The following CEP290 variants were observed in gnomAD, a reference collection of about 807,000 sequenced individuals.
CEP290 encodes centrosomal protein of 290 kDa.
CEP290 carries 317 observed loss-of-function variants against 344.9 expected under a neutral mutation model. The ratio of observed to expected loss-of-function variants is 0.92; its 90% CI spans 0.84 to 1.01. CEP290 has a LOEUF of 1.01. CEP290 is among the 50% of genes least tolerant of loss of function. The probability of loss-of-function intolerance (pLI) is 0.00; values close to 1 mark genes in which losing one functional copy is unlikely to be tolerated. For missense variants in CEP290, 2,754 were observed against 2,761.4 expected (o/e 1.00, Z 0.06); for synonymous variants, 932 against 895.8 (o/e 1.04, Z -0.72).
rs1272645683 is a variant in CEP290 at position 88,084,474 on chromosome 12, A to G, written c.4704+112T>C. ...ATCACATGCAAGTAACAATTCTTAA[A>G]TAGAATCATTTGAAAGCAAGAAAAG... is the stretch of plus-strand genomic sequence containing the variant. On this transcript the variant is annotated intron_variant, in intron 35 of 53. Coordinates refer to ENST00000552810, the MANE Select transcript of CEP290 (RefSeq NM_025114.4). The G allele has an allele frequency of 3.0e-6, 3 of 999,984 alleles. No homozygotes were observed. The African/African-American group carries it at 4.9e-5, about 16-fold the overall frequency. The allele number at this position is 999,984 out of a possible 1,614,324, so 61.9% of individuals were successfully genotyped here. A position where few individuals can be genotyped will look rare whatever the true frequency, so the allele number is the denominator to read the frequency against.
At chr12:88,088,193 C>A (rs2036742951) in intron 31 of CEP290, among the ~76,000 whole-genome samples, 1 of 152,160 alleles carries the variant, frequency 6.6e-6, no homozygotes, top group African/African-American at 2.4e-5. Flanking sequence ...TATTCACTTT[C>A]ATTTGTTATA....
chr12:88,121,089 C>T lies in CEP290; in HGVS notation c.1267G>A (p.Ala423Thr). 1 of 1,613,364 alleles carries T rather than the reference C, an allele frequency of 6.2e-7. No individual in the cohort carries two copies. Among genetic ancestry groups the T allele is most frequent in the Non-Finnish European group, 8.5e-7 (1 of 1,179,582 alleles). The stretch of plus-strand genomic sequence containing the variant: ...TCAGCCAGTTCAGCTGTTCTCTCAG[C>T]CTCTTTAGTTTTCTCTTTTAAAATG... Reference protein sequence around the residue: ...LDILKEKTKEAERTAELAEAD... With the variant: ...LDILKEKTKETERTAELAEAD... The change falls in exon 14 of 54, where the codon GCT becomes ACT. Residue 423 changes from alanine to threonine, a missense_variant. By Grantham distance (58) the Ala-to-Thr change is moderately conservative. Transcript: ENST00000552810.
chr12:88,052,361 C>T (rs961782247), intron 52 of CEP290, among the ~76,000 whole-genome samples: 2 of 152,106 alleles, frequency 1.3e-5, no homozygotes, highest in African/African-American at 2.4e-5. Flanking sequence ...GTTCGATGTG[C>T]TTATACATGC....
chr12:88,130,492 G>T, intron 8 of CEP290, 53 bp downstream of exon 8: 1 of 1,590,264 alleles, frequency 6.3e-7, no homozygotes, highest in Non-Finnish European at 8.6e-7. Context: ...TCTAAATAGT[G>T]CTCTCACAAC....
At chr12:88,092,944 T>C (rs2037159073) in intron 28 of CEP290, 112 bp from the exon 29 acceptor site, 2 of 941,336 alleles carry the variant, frequency 2.1e-6, no homozygotes, top group African/African-American at 3.3e-5. Flanking sequence ...AGTTCACATA[T>C]TATATTAAGT....
chr12:88,078,771 T>C (rs1287123630), intron 39 of CEP290, among the ~76,000 whole-genome samples: 1 of 151,976 alleles, frequency 6.6e-6, no homozygotes, highest in Non-Finnish European at 1.5e-5. Context: ...TTCCTCTCAA[T>C]TTTGCTGTGA....
At chr12:88,079,335 TC>T (rs1193556410) in intron 38 of CEP290, 106 bp from the exon 39 acceptor site, 4 of 874,006 alleles carry the variant, frequency 4.6e-6, no homozygotes, top group African/African-American at 1.8e-5. Context: ...CTACTATTTT[TC>T]TAAAATATTA....
Position 88,089,083 on chromosome 12 carries a change from CTTTAAT to C in CEP290, c.3972_3977del (p.Leu1325_Lys1326del). On this transcript the variant is annotated inframe_deletion, in exon 31 of 54. Coordinates refer to ENST00000552810, the MANE Select transcript of CEP290 (RefSeq NM_025114.4). ...AAGTGCTTATTAACTCTTCCAGGCC[CTTTAAT>C]TTTAATTCCATCTCCAATGTTTTGT... 4 of 1,540,330 alleles carry C rather than the reference CTTTAAT, an allele frequency of 2.6e-6. No individual in the cohort carries two copies. The highest frequency in any genetic ancestry group is 1.3e-5 in the South Asian group (1 of 75,564).
intron 13 of CEP290, among the ~76,000 whole-genome samples, chr12:88,123,207 T>C (rs1410830996): frequency 6.6e-6 from 1 of 152,098 alleles, no homozygotes. Context: ...TTCATTAATG[T>C]TTCTTCTTTA....
intron 41 of CEP290, among the ~76,000 whole-genome samples, chr12:88,075,815 GT>G (rs1407985798): frequency 6.6e-6 from 1 of 152,030 alleles, no homozygotes; most frequent in African/African-American, 2.4e-5. Flanking sequence ...ATAGACCCCT[GT>G]TTTCTCTTTC....
chr12:88,109,196 A>C lies in CEP290; in HGVS notation c.2368-15T>G. 1 of 854,386 alleles carries C rather than the reference A, an allele frequency of 1.2e-6. No individual in the cohort carries two copies. The allele number at this position is 854,386 out of a possible 1,614,324, so 52.9% of individuals were successfully genotyped here. On this transcript the variant is annotated splice_polypyrimidine_tract_variant and intron_variant, in intron 22 of 53. Transcript: ENST00000552810. ...TTTTCTAGTTCCTGAAAAGTGGTTTAGAAATAAGAATGCAAAAAAAAACAC... is the reference window on the plus strand; with the variant it reads ...TTTTCTAGTTCCTGAAAAGTGGTTTCGAAATAAGAATGCAAAAAAAAACAC...
chr12:88,094,098 C>T (rs2037255430), intron 27 of CEP290, 123 bp from the exon 28 acceptor site: 1 of 709,406 alleles, frequency 1.4e-6, no homozygotes, highest in South Asian at 2.1e-5. Flanking sequence ...TTTCTGAATT[C>T]CATCAGACCT....
Position 88,093,808 on chromosome 12 carries a change from C to T in CEP290, c.3271G>A (p.Glu1091Lys), listed in dbSNP as rs2037223924. The change falls in exon 28 of 54, where the codon GAG (glutamate) becomes AAG (lysine). Residue 1091 changes from glutamate (E) to lysine (K), a missense_variant. Coordinates refer to ENST00000552810, the MANE Select transcript of CEP290 (RefSeq NM_025114.4). ...GTTTCCAATTCAAAATTACGTTCCT[C>T]CATTTGCTTTAACGAAGTCCGTAAG... The part of the protein sequence containing the change: ...EHLRTSLKQM[E>K]ERNFELETKF... The T allele has an allele frequency of 6.2e-7, 1 of 1,611,808 alleles. No homozygotes were observed. The highest frequency in any genetic ancestry group is 2.2e-5 in the East Asian group (1 of 44,810).
In CEP290 at chr12:88,129,793, C is replaced by A. The variant is rs2039957080; in HGVS notation, c.753G>T (p.Glu251Asp). 3.4e-6 allele frequency: 5 copies of A among 1,482,512 alleles called. No individual in the cohort carries two copies. Among genetic ancestry groups the A allele is most frequent in the Non-Finnish European group, 4.5e-6 (5 of 1,110,456 alleles). 91.8% of individuals were successfully genotyped at this position (1,482,512 alleles called of 1,614,324 possible). A position where few individuals can be genotyped will look rare whatever the true frequency, so the allele number is the denominator to read the frequency against. ...TTCTATTATATTCATCAGTCATCTT[C>A]TCCATTTCCTGTACAGACTCTTCTA... ...KNLEESVQEMEKMTDEYNRMK... is the reference protein window; with the variant it reads ...KNLEESVQEMDKMTDEYNRMK... The change falls in exon 10 of 54, where the codon GAG becomes GAT. Residue 251 changes from glutamate (E) to aspartate (D), a missense_variant. By Grantham distance (45) the Glu-to-Asp change is conservative (BLOSUM62 2). Transcript: ENST00000552810.
At chr12:88,058,771 G>C (rs976198535) in intron 49 of CEP290, 77 bp downstream of exon 49, 20 of 1,395,516 alleles carry the variant, frequency 1.4e-5, no homozygotes, top group Non-Finnish European at 2.0e-5. Flanking sequence ...AGGTTATCCA[G>C]AATAGTGTTG....
At chr12:88,068,289 C>A (rs1443778407) in intron 44 of CEP290, among the ~76,000 whole-genome samples, 1 of 151,876 alleles carries the variant, frequency 6.6e-6, no homozygotes, top group Non-Finnish European at 1.5e-5. Context: ...TTCTAGAAAT[C>A]ATTTATGAGC....
intron 30 of CEP290, 114 bp from the exon 31 acceptor site, chr12:88,089,601 A>C: frequency 1.5e-6 from 1 of 656,034 alleles, no homozygotes; most frequent in East Asian, 3.0e-5. Context: ...GTGGCACATG[A>C]GATCTACAAA....
chr12:88,087,010 A>T (rs2036633392), intron 32 of CEP290, among the ~76,000 whole-genome samples: 1 of 152,222 alleles, frequency 6.6e-6, no homozygotes, highest in Admixed American at 6.5e-5. Flanking sequence ...GGATACACTG[A>T]TAAGGTAAGA....
chr12:88,105,520 C>T (rs747342250), intron 25 of CEP290, among the ~76,000 whole-genome samples: 13 of 152,132 alleles, frequency 8.5e-5, no homozygotes, highest in Non-Finnish European at 1.8e-4. Flanking sequence ...ATTTATTTTA[C>T]AAAAGCATGT....
Sources: allele counts gnomAD v4.1 joint callset (sites outside exome capture counted in the v4.1 genomes callset), GRCh38; gene constraint gnomAD v4.1.1; transcripts MANE v1.5; gene names NCBI Gene and HGNC (gene_info 2026-07-23, HGNC 2026-07-21).